Variants in PCBP3 observed in about 807,000 individuals in gnomAD.
The protein encoded by PCBP3 is poly(rC) binding protein 3.
A neutral mutation model predicts 52.7 loss-of-function variants in PCBP3; 25 were observed. That is an observed-to-expected ratio of 0.47 (90% CI 0.35 to 0.66). PCBP3 has a LOEUF of 0.66. Among genes scored for constraint, PCBP3 ranks in the 30% least tolerant of loss-of-function variants. The pLI is 0.01. For missense variants in PCBP3, 391 were observed against 490.3 expected (o/e 0.80, Z 1.91); for synonymous variants, 162 against 183.0 (o/e 0.89, Z 0.93).
At chr21:45,804,877 G>A (rs186209257) in intron 4 of PCBP3, among the ~76,000 whole-genome samples, 111 of 152,294 alleles carry the variant, frequency 7.3e-4, no homozygotes, top group African/African-American at 2.6e-3. Context: ...GGAAGGCCAG[G>A]CCGTGTTCCT....
rs182659429 is a variant in PCBP3, at chr21:45,853,800, G to A, written c.10+3705G>A. Among the ~76,000 whole-genome samples, 1 of 152,334 alleles carries A rather than the reference G, an allele frequency of 6.6e-6. No individual in the cohort carries two copies. The highest frequency in any genetic ancestry group is 2.4e-5 in the African/African-American group (1 of 41,580). On this transcript the variant is annotated intron_variant, in intron 5 of 17. Transcript: ENST00000681687. The surrounding 1 kb of genome is among the most constrained non-coding windows in gnomAD (Gnocchi z 4.6). Reference sequence around the variant, plus strand: ...ACATACTTTGCAAGAGCATATGTGAGTAAGAGTCAGGCACTCGGTGTTTTA... The same window carrying A: ...ACATACTTTGCAAGAGCATATGTGAATAAGAGTCAGGCACTCGGTGTTTTA...
At chr21:45,840,268 T>C (rs766975778) in intron 4 of PCBP3, among the ~76,000 whole-genome samples, 5 of 151,364 alleles carry the variant, frequency 3.3e-5, no homozygotes, top group Non-Finnish European at 7.4e-5. Context: ...GTGGCTAACA[T>C]GGTGAAACCC....
intron 2 of PCBP3, among the ~76,000 whole-genome samples, chr21:45,702,420 A>G (rs2083187264): frequency 6.6e-6 from 1 of 152,198 alleles, no homozygotes; most frequent in South Asian, 2.1e-4. Flanking sequence ...TCTCGGAGCT[A>G]TTGCAGGTTA....
chr21:45,932,409 C>A (rs1174415544), intron 15 of PCBP3, among the ~76,000 whole-genome samples: 1 of 151,932 alleles, frequency 6.6e-6, no homozygotes, highest in African/African-American at 2.4e-5. Flanking sequence ...GCCATGCCGT[C>A]CTGAGATGAA....
intron 2 of PCBP3, among the ~76,000 whole-genome samples, chr21:45,691,177 A>G (rs2082439620): frequency 6.6e-6 from 1 of 152,012 alleles, no homozygotes; most frequent in Non-Finnish European, 1.5e-5. Context: ...CAGGAACAAA[A>G]TACATTCATA....
intron 9 of PCBP3, 111 bp downstream of exon 9, chr21:45,901,224 C>T (rs891442682): frequency 2.6e-6 from 2 of 759,428 alleles, no homozygotes; most frequent in Non-Finnish European, 4.7e-6. Context: ...CCAGCCCGCC[C>T]AGGCAACCCC....
chr21:45,762,489 C>CTTTTT (rs1485879344), intron 4 of PCBP3: 1 of 88,346 alleles, frequency 1.1e-5, no homozygotes, highest in Non-Finnish European at 2.5e-5. Flanking sequence ...TTCTTTTCTT[C>CTTTTT]TCTTTTTTTT....
intron 17 of PCBP3, among the ~76,000 whole-genome samples, chr21:45,940,425 G>A (rs991695177): frequency 1.3e-5 from 2 of 152,194 alleles, no homozygotes; most frequent in Admixed American, 6.5e-5. Flanking sequence ...CACCCGAAGC[G>A]TCTCCAGGGA....
At chr21:45,831,681 G>A (rs2093453828) in intron 4 of PCBP3, among the ~76,000 whole-genome samples, 2 of 151,760 alleles carry the variant, frequency 1.3e-5, no homozygotes, top group South Asian at 4.2e-4. Flanking sequence ...AAGAATTCAG[G>A]GCAAGTCCAT....
At chr21:45,815,866 GAGTC>G (rs1307576815) in intron 4 of PCBP3, among the ~76,000 whole-genome samples, 62 of 116,402 alleles carry the variant, frequency 5.3e-4, no homozygotes, top group African/African-American at 2.0e-3. Context: ...GGTGAGTGGT[GAGTC>G]AGTGGTGAGT....
chr21:45,697,531 G>A (rs1397790347), intron 2 of PCBP3, among the ~76,000 whole-genome samples: 1 of 152,088 alleles, frequency 6.6e-6, no homozygotes, highest in African/African-American at 2.4e-5. Flanking sequence ...GATTGCTTGA[G>A]TCTGGGAGTT....
chr21:45,874,514 T>TC (rs2095171671), intron 5 of PCBP3, among the ~76,000 whole-genome samples: 1 of 150,218 alleles, frequency 6.7e-6, no homozygotes, highest in African/African-American at 2.4e-5. Flanking sequence ...TCTTTTTTTT[T>TC]TTTTTTTTGA....
chr21:45,888,385 C>T (rs1158009298), intron 5 of PCBP3, among the ~76,000 whole-genome samples: 2 of 152,244 alleles, frequency 1.3e-5, no homozygotes, highest in Non-Finnish European at 2.9e-5. Context: ...TCAGTCTGCT[C>T]CTTGCATTTA....
intron 2 of PCBP3, among the ~76,000 whole-genome samples, chr21:45,727,031 C>A (rs1014225538): frequency 2.0e-5 from 3 of 152,146 alleles, no homozygotes; most frequent in Admixed American, 6.6e-5. Flanking sequence ...AATTTGGTAA[C>A]CTCCAACATC....
intron 6 of PCBP3, among the ~76,000 whole-genome samples, chr21:45,896,889 G>A (rs59973083): frequency 3.8e-3 from 403 of 105,466 alleles, no homozygotes; most frequent in African/African-American, 0.019. Context: ...ACATAGAACC[G>A]GAGATGCACT....
intron 4 of PCBP3, among the ~76,000 whole-genome samples, chr21:45,803,018 A>G (rs1444909570): frequency 6.6e-6 from 1 of 152,252 alleles, no homozygotes; most frequent in Non-Finnish European, 1.5e-5. Flanking sequence ...TCATAATTTG[A>G]AAACAAAAAT....
At chr21:45,660,122 CTTTAT>C (rs2080288210) in intron 1 of PCBP3, among the ~76,000 whole-genome samples, 1 of 151,456 alleles carries the variant, frequency 6.6e-6, no homozygotes, top group Non-Finnish European at 1.5e-5. Flanking sequence ...CATTCTGGGG[CTTTAT>C]TTTATATGTA....
chr21:45,818,370 G>A (rs960593343), intron 4 of PCBP3, among the ~76,000 whole-genome samples: 1 of 152,118 alleles, frequency 6.6e-6, no homozygotes, highest in African/African-American at 2.4e-5. Context: ...GGCTCACTGT[G>A]TTGAACACAG....
chr21:45,861,837 TA>T (rs1260831047), intron 5 of PCBP3, among the ~76,000 whole-genome samples: 5 of 152,206 alleles, frequency 3.3e-5, no homozygotes, highest in African/African-American at 1.2e-4. Context: ...GTCATGGTTT[TA>T]GTCCGTTTCT....
Sources: allele counts gnomAD v4.1 joint callset (sites outside exome capture counted in the v4.1 genomes callset), GRCh38; gene constraint gnomAD v4.1.1; non-coding constraint Gnocchi (gnomAD v3.1); transcripts MANE v1.5; gene names NCBI Gene and HGNC (gene_info 2026-07-23, HGNC 2026-07-21).